Variants in PLCB4 observed in about 807,000 individuals in gnomAD.
PLCB4 encodes phospholipase C beta 4.
PLCB4 carries 77 observed loss-of-function variants against 178.8 expected under a neutral mutation model. The ratio of observed to expected loss-of-function variants is 0.43; its 90% CI spans 0.36 to 0.52. The LOEUF (loss-of-function observed/expected upper bound fraction) is 0.52, where lower values mean the gene tolerates loss of function less well. PLCB4 is among the 20% of genes least tolerant of loss of function. The probability of loss-of-function intolerance (pLI) is 0.00; values close to 1 mark genes in which losing one functional copy is unlikely to be tolerated. For missense variants in PLCB4, 1,024 were observed against 1,453.4 expected (o/e 0.70, Z 4.80); for synonymous variants, 496 against 490.8 (o/e 1.01, Z -0.14).
At chr20:9,140,685 C>T (rs1171986034) in intron 2 of PLCB4, among the ~76,000 whole-genome samples, 2 of 151,918 alleles carry the variant, frequency 1.3e-5, no homozygotes, top group Admixed American at 1.3e-4. Context: ...ATCTCTCTTG[C>T]TCCCTCTCTT....
intron 3 of PLCB4, among the ~76,000 whole-genome samples, chr20:9,262,203 AC>A (rs2094304779): frequency 1.3e-5 from 2 of 152,196 alleles, no homozygotes; most frequent in Admixed American, 6.5e-5. Context: ...AGAACCATTA[AC>A]TTTTTTTAAA....
chr20:9,168,036 G>T (rs1438463568), intron 2 of PLCB4, among the ~76,000 whole-genome samples: 1 of 152,128 alleles, frequency 6.6e-6, no homozygotes, highest in African/African-American at 2.4e-5. Context: ...GCTGAAGCAG[G>T]GACAGTGGCC....
intron 13 of PLCB4, among the ~76,000 whole-genome samples, chr20:9,381,505 A>G (rs1602244155): frequency 6.6e-6 from 1 of 152,328 alleles, no homozygotes; most frequent in Non-Finnish European, 1.5e-5. Context: ...TCAAGGAGAA[A>G]GACAAGTGAT....
chr20:9,154,917 T>TTCCTTCCTTCCA (rs2092760061), intron 2 of PLCB4, among the ~76,000 whole-genome samples: 1 of 117,508 alleles, frequency 8.5e-6, no homozygotes, highest in Non-Finnish European at 1.8e-5. Flanking sequence ...CCTTCCTTCC[T>TTCCTTCCTTCCA]TCCTTCCTTC....
chr20:9,223,418 A>G lies in PLCB4; in HGVS notation c.-16+5966A>G, dbSNP rs549485630. 9.2e-5 allele frequency among the ~76,000 whole-genome samples: 14 copies of G among 152,162 alleles called. 1 individual carries two copies. The East Asian group carries it at 2.7e-3, about 29-fold the overall frequency. ...TGCAAACAACAGCAGTCACCTTTTTACCTCTCAGTTTTTCTGTGGTCAGGA... is the reference window on the plus strand; with the variant it reads ...TGCAAACAACAGCAGTCACCTTTTTGCCTCTCAGTTTTTCTGTGGTCAGGA... On this transcript the variant is annotated intron_variant, in intron 3 of 39. Coordinates refer to ENST00000378473, the MANE Select transcript of PLCB4 (RefSeq NM_001377142.1).
chr20:9,308,308 T>C lies in PLCB4; in HGVS notation c.84+410T>C, dbSNP rs142148861. 7.1e-3 allele frequency among the ~76,000 whole-genome samples: 1,084 copies of C among 152,320 alleles called. 16 individuals are homozygous for C. The highest frequency in any genetic ancestry group is 0.024 in the African/African-American group (990 of 41,572). ...ATTGAACTTTGTGCCAGTCATTGCT[T>C]TGCTCATTTCATTGATATAAACCAT... On this transcript the variant is annotated intron_variant, in intron 4 of 39. Transcript: ENST00000378473.
intron 28 of PLCB4, among the ~76,000 whole-genome samples, chr20:9,426,472 A>G (rs182002964): frequency 3.3e-5 from 5 of 152,148 alleles, no homozygotes; most frequent in South Asian, 2.1e-4. Context: ...TCCATCTCCC[A>G]TGTTCAGGCG....
intron 13 of PLCB4, among the ~76,000 whole-genome samples, chr20:9,380,967 G>A (rs1227160402): frequency 6.6e-6 from 1 of 152,104 alleles, no homozygotes; most frequent in Non-Finnish European, 1.5e-5. Flanking sequence ...GCCAGTGAGT[G>A]TGGTTGAATG....
At chr20:9,456,503 T>C (rs6086886) in intron 33 of PLCB4, among the ~76,000 whole-genome samples, 14,255 of 152,226 alleles carry the variant, frequency 0.094, 823 homozygotes, top group East Asian at 0.3. Context: ...GAAAATAAAA[T>C]CTTGATTTTC....
In PLCB4 at chr20:9,477,288, C is replaced by T. The variant is rs529575601; in HGVS notation, c.3532+535C>T. On this transcript the variant is annotated intron_variant, in intron 39 of 39. Coordinates refer to ENST00000378473, the MANE Select transcript of PLCB4 (RefSeq NM_001377142.1). ...GTGGTCATATAATTTATTGTCCATA[C>T]CAGGATAGTTTTGAGAGTGAAAGGC... Among the ~76,000 whole-genome samples the T allele has an allele frequency of 2.8e-4, 42 of 152,228 alleles. 1 individual carries two copies. The South Asian group carries it at 7.9e-3, about 29-fold the overall frequency.
intron 2 of PLCB4, among the ~76,000 whole-genome samples, chr20:9,183,717 G>A (rs1247433175): frequency 6.6e-6 from 1 of 152,050 alleles, no homozygotes; most frequent in African/African-American, 2.4e-5. Flanking sequence ...AGGGAAAATG[G>A]AATCTCACTT....
rs528753840 is a variant in PLCB4, at chr20:9,185,922, G to A, written c.-78-31468G>A. The stretch of plus-strand genomic sequence containing the variant: ...TCTTATTAACATTAACCCCTACTCC[G>A]TTCTCTATTTTTGCTTTTTCCACAG... On this transcript the variant is annotated intron_variant, in intron 2 of 39. Coordinates refer to ENST00000378473, the MANE Select transcript of PLCB4 (RefSeq NM_001377142.1). Among the ~76,000 whole-genome samples, 115 of 152,150 alleles carry A rather than the reference G, an allele frequency of 7.6e-4. 1 individual carries two copies. In the South Asian group the frequency reaches 0.02, roughly 27 times the overall value.
intron 3 of PLCB4, among the ~76,000 whole-genome samples, chr20:9,297,953 T>C (rs1481463398): frequency 6.6e-6 from 1 of 152,148 alleles, no homozygotes; most frequent in African/African-American, 2.4e-5. Flanking sequence ...AAACTGATTA[T>C]TGCAGATTGA....
At chr20:9,088,173 CTTTTCTTTTT>C (rs796800060) in intron 1 of PLCB4, among the ~76,000 whole-genome samples, 3,313 of 113,212 alleles carry the variant, frequency 0.029, 89 homozygotes, top group African/African-American at 0.1. Flanking sequence ...CTTTTCTTTT[CTTTTCTTTTT>C]TTTTTTTTTT....
At chr20:9,406,764 G>C (rs914352412) in intron 21 of PLCB4, among the ~76,000 whole-genome samples, 1 of 152,170 alleles carries the variant, frequency 6.6e-6, no homozygotes, top group East Asian at 1.9e-4. Context: ...CAAAGTGCTG[G>C]GATTACAGGC....
chr20:9,182,697 C>T (rs973660208), intron 2 of PLCB4, among the ~76,000 whole-genome samples: 3 of 152,188 alleles, frequency 2.0e-5, no homozygotes, highest in Admixed American at 6.5e-5. Context: ...CATGGGACTT[C>T]GGATTTTTAA....
intron 5 of PLCB4, 114 bp from the exon 6 acceptor site, chr20:9,337,894 G>A (rs1176214094): frequency 4.5e-6 from 3 of 664,080 alleles, no homozygotes; most frequent in Non-Finnish European, 5.5e-6. Flanking sequence ...CCCTCTTCAA[G>A]CTGACTGTAA....
At chr20:9,122,488 T>C (rs2091991239) in intron 2 of PLCB4, among the ~76,000 whole-genome samples, 1 of 152,326 alleles carries the variant, frequency 6.6e-6, no homozygotes, top group Middle Eastern at 3.4e-3. Context: ...TTAGGTGTTT[T>C]GTTTCATTGC....
At chr20:9,140,645 G>C (rs528354912) in intron 2 of PLCB4, among the ~76,000 whole-genome samples, 1 of 151,760 alleles carries the variant, frequency 6.6e-6, no homozygotes, top group African/African-American at 2.4e-5. Flanking sequence ...ATTAATTCAC[G>C]TGAGAGCTGG....
Sources: gnomAD v4.1 joint callset for allele counts (sites outside exome capture counted in the v4.1 genomes callset) on GRCh38, gnomAD v4.1.1 for gene constraint, MANE v1.5 for transcripts, NCBI Gene and HGNC (gene_info 2026-07-23, HGNC 2026-07-21) for gene names.